The following FHOD3 variants were observed in gnomAD, a reference collection of about 807,000 sequenced individuals.
The protein encoded by FHOD3 is formin homology 2 domain containing 3, also known as FH1/FH2 domain-containing protein 3.
FHOD3 carries 90 observed loss-of-function variants against 173.0 expected under a neutral mutation model. The observed-to-expected ratio is 0.52, with a 90% CI of 0.44 to 0.62. FHOD3 has a LOEUF of 0.62. Ranked by LOEUF, FHOD3 falls within the 20% of genes least tolerant of loss-of-function variation. The pLI, the probability that FHOD3 is intolerant of heterozygous loss-of-function variation, is 0.00. For missense variants in FHOD3, 1,945 were observed against 2,034.7 expected (o/e 0.96, Z 0.85); for synonymous variants, 828 against 823.0 (o/e 1.01, Z -0.10).
In FHOD3 at chr18:36,406,089, G is replaced by GTT. The variant is rs763484942; in HGVS notation, c.337+33349_337+33350dup. 5.3e-3 allele frequency among the ~76,000 whole-genome samples: 725 copies of GTT among 135,760 alleles called. 13 individuals carry two copies. The highest frequency in any genetic ancestry group is 0.02 in the Middle Eastern group (5 of 244). The allele number at this position is 135,760 out of a possible 152,430, so 89.1% of individuals were successfully genotyped here. On this transcript the variant is annotated intron_variant, in intron 3 of 28. Coordinates refer to ENST00000590592, the MANE Select transcript of FHOD3 (RefSeq NM_001281740.3). ...GTGGCCTTGCCTGTTTTTTGTTTTTGTTTTTGTTTTTTTGTTTTTGTTTTT... is the reference window on the plus strand; with the variant it reads ...GTGGCCTTGCCTGTTTTTTGTTTTTGTTTTTTTGTTTTTTTGTTTTTGTTTTT...
At chr18:36,327,249 T>G (rs1465921515) in intron 1 of FHOD3, among the ~76,000 whole-genome samples, 1 of 152,250 alleles carries the variant, frequency 6.6e-6, no homozygotes, top group Non-Finnish European at 1.5e-5. Flanking sequence ...TAAAACTCAC[T>G]GGTGTGCTGG....
At chr18:36,359,677 C>T (rs1402765817) in intron 2 of FHOD3, among the ~76,000 whole-genome samples, 2 of 152,124 alleles carry the variant, frequency 1.3e-5, no homozygotes, top group Non-Finnish European at 2.9e-5. Context: ...CTGAGGAGAG[C>T]AGTGTAGCAT....
chr18:36,501,038 C>T (rs1387474203), intron 3 of FHOD3, among the ~76,000 whole-genome samples: 4 of 152,186 alleles, frequency 2.6e-5, no homozygotes, highest in Admixed American at 6.5e-5. Flanking sequence ...TTGTGGCATA[C>T]TCATCTGTCT....
intron 4 of FHOD3, among the ~76,000 whole-genome samples, chr18:36,508,142 C>T (rs560708017): frequency 3.0e-4 from 46 of 152,026 alleles, no homozygotes; most frequent in Admixed American, 6.6e-4. Flanking sequence ...GGTGTGTGTG[C>T]GAGAGATTCT....
At chr18:36,613,192 C>T (rs2032867214) in intron 9 of FHOD3, among the ~76,000 whole-genome samples, 1 of 152,214 alleles carries the variant, frequency 6.6e-6, no homozygotes, top group Admixed American at 6.5e-5. Context: ...TCCTGCCTAT[C>T]ACCAGTCTAC....
intron 5 of FHOD3, among the ~76,000 whole-genome samples, chr18:36,568,136 C>T (rs1246172003): frequency 2.9e-5 from 4 of 137,668 alleles, no homozygotes; most frequent in Non-Finnish European, 6.2e-5. Context: ...CCAGCCTGGC[C>T]AACCGGACAA....
chr18:36,691,993 C>T (rs1448390973), intron 16 of FHOD3, among the ~76,000 whole-genome samples: 3 of 152,166 alleles, frequency 2.0e-5, no homozygotes, highest in Non-Finnish European at 4.4e-5. Context: ...ACTACATATC[C>T]GACATGAGTT....
At chr18:36,574,877 A>T (rs2058588292) in intron 5 of FHOD3, among the ~76,000 whole-genome samples, 1 of 152,108 alleles carries the variant, frequency 6.6e-6, no homozygotes, top group African/African-American at 2.4e-5. Context: ...TGTGTCAAGG[A>T]TATGTCCAAA....
intron 3 of FHOD3, among the ~76,000 whole-genome samples, chr18:36,471,488 G>C (rs532978369): frequency 4.1e-4 from 63 of 152,238 alleles, no homozygotes; most frequent in Non-Finnish European, 6.9e-4. Context: ...CCCTGCCCTG[G>C]TGGCCCCTGG....
intron 28 of FHOD3, among the ~76,000 whole-genome samples, chr18:36,776,849 C>T (rs1034427773): frequency 6.6e-6 from 1 of 152,136 alleles, no homozygotes; most frequent in Non-Finnish European, 1.5e-5. Context: ...CATAAAGGTA[C>T]CTTTAGTTCT....
At chr18:36,320,699 T>C (rs1362304176) in intron 1 of FHOD3, among the ~76,000 whole-genome samples, 2 of 152,212 alleles carry the variant, frequency 1.3e-5, no homozygotes, top group East Asian at 3.8e-4. Flanking sequence ...GGGTTCCTGG[T>C]ATATCTTTCT....
intron 10 of FHOD3, among the ~76,000 whole-genome samples, chr18:36,631,546 C>T (rs1245788137): frequency 6.6e-6 from 1 of 152,220 alleles, no homozygotes; most frequent in Non-Finnish European, 1.5e-5. Context: ...TTACGGAACA[C>T]TTAATCATCT....
chr18:36,314,019 G>A (rs977439225), intron 1 of FHOD3, among the ~76,000 whole-genome samples: 1 of 152,092 alleles, frequency 6.6e-6, no homozygotes, highest in African/African-American at 2.4e-5. Flanking sequence ...AGTAGCTGGG[G>A]CTACAGGCAT....
At chr18:36,512,620 T>C in intron 5 of FHOD3, 77 bp downstream of exon 5, 1 of 1,037,014 alleles carries the variant, frequency 9.6e-7, no homozygotes, top group Non-Finnish European at 1.5e-6. Flanking sequence ...ACTTAACTAC[T>C]GAGAGCTTTT....
intron 3 of FHOD3, among the ~76,000 whole-genome samples, chr18:36,431,478 A>G (rs1375386568): frequency 6.6e-6 from 1 of 152,208 alleles, no homozygotes; most frequent in Non-Finnish European, 1.5e-5. Flanking sequence ...GGCCTATTCT[A>G]GGTAGCTCCT....
At chr18:36,672,906 T>A (rs1286606110) in intron 14 of FHOD3, among the ~76,000 whole-genome samples, 1 of 152,178 alleles carries the variant, frequency 6.6e-6, no homozygotes, top group East Asian at 1.9e-4. Context: ...CTAGTGTACT[T>A]CCTCTTTTTT....
chr18:36,508,515 G>C (rs2055433040), intron 4 of FHOD3, among the ~76,000 whole-genome samples: 1 of 152,072 alleles, frequency 6.6e-6, no homozygotes, highest in African/African-American at 2.4e-5. Context: ...CAAGTTGAAG[G>C]GTCTCCCACT....
intron 14 of FHOD3, among the ~76,000 whole-genome samples, chr18:36,663,347 T>C (rs1465589710): frequency 1.3e-5 from 2 of 152,170 alleles, no homozygotes; most frequent in Non-Finnish European, 2.9e-5. Context: ...GTTCAAACTG[T>C]TCTTAGGAGC....
chr18:36,574,937 T>G (rs1259890484), intron 5 of FHOD3, among the ~76,000 whole-genome samples: 1 of 152,034 alleles, frequency 6.6e-6, no homozygotes, highest in Non-Finnish European at 1.5e-5. Flanking sequence ...ATATTTTTTC[T>G]CAGAATAATG....
Sources: allele counts gnomAD v4.1 joint callset (sites outside exome capture counted in the v4.1 genomes callset), GRCh38; gene constraint gnomAD v4.1.1; transcripts MANE v1.5; gene names NCBI Gene and HGNC (gene_info 2026-07-23, HGNC 2026-07-21).